SYNE3: variants seen among roughly 807,000 people sequenced by gnomAD.
SYNE3 encodes spectrin repeat containing nuclear envelope family member 3.
SYNE3 carries 100 observed loss-of-function variants against 111.2 expected under a neutral mutation model. The ratio of observed to expected loss-of-function variants is 0.90; its 90% CI spans 0.77 to 1.06. The LOEUF is 1.06. SYNE3 is among the 50% of genes least tolerant of loss of function. SYNE3 has a pLI of 0.00. For synonymous variants in SYNE3, 547 were observed against 533.9 expected, an observed-to-expected ratio of 1.02 and a Z score of -0.34; for missense variants, 1,160 against 1,240.3, an observed-to-expected ratio of 0.94 and a Z score of 0.97.
chr14:95,436,125 C>G (rs1397681733), intron 15 of SYNE3, among the ~76,000 whole-genome samples: 1 of 152,184 alleles, frequency 6.6e-6, no homozygotes, highest in Non-Finnish European at 1.5e-5. Context: ...TCTCCCTCCC[C>G]CCAGCCATAT....
chr14:95,418,037 AAC>A lies in SYNE3; in HGVS notation c.2728-13_2728-12del. The A allele has an allele frequency of 6.2e-7, 1 of 1,606,538 alleles. No homozygotes were observed. The highest frequency in any genetic ancestry group is 8.5e-7 in the Non-Finnish European group (1 of 1,179,764). ...TCGCCACCGCCGAGTCTGCGGAACCAACACAGCACAGGTGAGTGGGCTGGGGG... is the reference window on the plus strand; with the variant it reads ...TCGCCACCGCCGAGTCTGCGGAACCAACAGCACAGGTGAGTGGGCTGGGGG... On this transcript the variant is annotated splice_polypyrimidine_tract_variant and intron_variant, in intron 17 of 17. Coordinates refer to ENST00000682763, the MANE Select transcript of SYNE3 (RefSeq NM_152592.6).
At chr14:95,457,468 C>G in intron 4 of SYNE3, 130 bp from the exon 5 acceptor site, 1 of 994,532 alleles carries the variant, frequency 1.0e-6, no homozygotes, top group Non-Finnish European at 1.5e-6. Context: ...CAACCAACCT[C>G]TAGCCCTTTC....
intron 17 of SYNE3, among the ~76,000 whole-genome samples, chr14:95,423,117 G>A (rs1885227493): frequency 6.6e-6 from 1 of 152,214 alleles, no homozygotes; most frequent in African/African-American, 2.4e-5. Context: ...CCTCCTCACT[G>A]GGGTGGCTCT....
Position 95,439,180 on chromosome 14 carries a change from G to A in SYNE3, c.2247-18C>T, listed in dbSNP as rs994613784. The A allele has an allele frequency of 6.2e-7, 1 of 1,614,036 alleles. No individual in the cohort carries two copies. The highest frequency in any genetic ancestry group is 1.7e-5 in the Admixed American group (1 of 60,012). On this transcript the variant is annotated intron_variant, in intron 13 of 17. Transcript: ENST00000682763. ...TGATGAGGCTGAGAAGACAAACTCA[G>A]CCCAGTCAATGCAGAGATGTGGTGG...
intron 17 of SYNE3, among the ~76,000 whole-genome samples, chr14:95,421,900 G>A (rs145796006): frequency 6.4e-4 from 97 of 152,272 alleles, no homozygotes; most frequent in East Asian, 1.9e-3. Flanking sequence ...CCTGGTTAGC[G>A]CTGACTGATC....
At chr14:95,431,642 C>T (rs1340878675) in intron 17 of SYNE3, among the ~76,000 whole-genome samples, 5 of 152,228 alleles carry the variant, frequency 3.3e-5, no homozygotes, top group African/African-American at 1.2e-4. Flanking sequence ...CCCTCCCTCT[C>T]CTGTCCCTAC....
At chr14:95,435,864 T>C (rs1432824287) in intron 15 of SYNE3, among the ~76,000 whole-genome samples, 2 of 152,180 alleles carry the variant, frequency 1.3e-5, no homozygotes, top group East Asian at 3.8e-4. Context: ...TTTGTTATTC[T>C]GGCTGCAGGA....
At chr14:95,456,138 A>G in intron 5 of SYNE3, 1 of 278,942 alleles carries the variant, frequency 3.6e-6, no homozygotes, top group Non-Finnish European at 6.6e-6. Flanking sequence ...CATCTTTTCC[A>G]TTTATGACAG....
intron 8 of SYNE3, among the ~76,000 whole-genome samples, chr14:95,447,472 G>A (rs1478398994): frequency 2.6e-5 from 4 of 152,180 alleles, no homozygotes; most frequent in Non-Finnish European, 4.4e-5. Context: ...GCTGGAGCTA[G>A]TGCCGTGGGA....
intron 1 of SYNE3, among the ~76,000 whole-genome samples, chr14:95,505,126 G>A (rs968700197): frequency 5.3e-5 from 8 of 152,252 alleles, no homozygotes; most frequent in South Asian, 2.1e-4. Context: ...GGCTTGGTTC[G>A]CCCAAGCACA....
chr14:95,439,266 C>T (rs886208190), intron 13 of SYNE3, 104 bp from the exon 14 acceptor site: 197 of 1,498,032 alleles, frequency 1.3e-4, no homozygotes, highest in Non-Finnish European at 1.7e-4. Flanking sequence ...CGAGTCAGTG[C>T]CCCCCACTGA....
At position 95,412,685 on chromosome 14, in the gene SYNE3, C is replaced by T. The variant is rs11623037; in HGVS notation, c.*5141G>A. ...CACAACTTTCCACGATGTCCCTCTT[C>T]CCATTTCTCTTTCCTTCTCTCCCTC... On this transcript the variant is annotated 3_prime_UTR_variant, in exon 18 of 18. Coordinates refer to ENST00000682763, the MANE Select transcript of SYNE3 (RefSeq NM_152592.6). 0.35 allele frequency: 52,492 copies of T among 152,110 alleles called. 9,593 individuals are homozygous for T. Among genetic ancestry groups the T allele is most frequent in the Admixed American group, 0.49 (7,448 of 15,284 alleles). The allele number at this position is 152,110 out of a possible 1,614,324, so 9.4% of individuals were successfully genotyped here. A position where few individuals can be genotyped will look rare whatever the true frequency, so the allele number is the denominator to read the frequency against.
chr14:95,460,367 G>GTTTTTTTTTTTT (rs548346693), intron 4 of SYNE3, among the ~76,000 whole-genome samples: 4 of 85,236 alleles, frequency 4.7e-5, no homozygotes, highest in Non-Finnish European at 8.7e-5. Context: ...ACGATGCCTA[G>GTTTTTTTTTTTT]TTTTTTTTTT....
intron 17 of SYNE3, among the ~76,000 whole-genome samples, chr14:95,424,357 G>C (rs983987702): frequency 6.6e-6 from 1 of 151,564 alleles, no homozygotes; most frequent in Non-Finnish European, 1.5e-5. Context: ...TTACCCATGA[G>C]ATAGTGTGCA....
intron 1 of SYNE3, among the ~76,000 whole-genome samples, chr14:95,491,137 G>A (rs1023994854): frequency 6.6e-5 from 10 of 152,180 alleles, no homozygotes; most frequent in South Asian, 2.1e-4. Flanking sequence ...TCTAGATCTC[G>A]GGTTGCGGGG....
intron 1 of SYNE3, among the ~76,000 whole-genome samples, chr14:95,495,060 C>T (rs1015551945): frequency 6.6e-6 from 1 of 150,676 alleles, no homozygotes; most frequent in African/African-American, 2.4e-5. Context: ...TGCAGTGAGC[C>T]GAGATCATGC....
At chr14:95,499,013 G>A (rs573675493) in intron 1 of SYNE3, among the ~76,000 whole-genome samples, 5 of 152,206 alleles carry the variant, frequency 3.3e-5, no homozygotes, top group African/African-American at 7.2e-5. Flanking sequence ...CCTGAGAAAC[G>A]GCAGGGTTCA....
At chr14:95,482,187 A>C (rs1274792600) in intron 1 of SYNE3, among the ~76,000 whole-genome samples, 1 of 151,014 alleles carries the variant, frequency 6.6e-6, no homozygotes, top group Non-Finnish European at 1.5e-5. Context: ...TAATCCCAAC[A>C]CTTTGGGAGG....
At chr14:95,501,245 G>A (rs1374292165) in intron 1 of SYNE3, among the ~76,000 whole-genome samples, 1 of 152,160 alleles carries the variant, frequency 6.6e-6, no homozygotes, top group Non-Finnish European at 1.5e-5. Flanking sequence ...CTTCTGATAT[G>A]TTCTTGTTTA....
Sources: gnomAD v4.1 joint callset for allele counts (sites outside exome capture counted in the v4.1 genomes callset) on GRCh38, gnomAD v4.1.1 for gene constraint, MANE v1.5 for transcripts, NCBI Gene and HGNC (gene_info 2026-07-23, HGNC 2026-07-21) for gene names.